Variants in FAM234B observed in about 807,000 individuals in gnomAD.
The protein encoded by FAM234B is family with sequence similarity 234 member B, also known as protein FAM234B.
FAM234B carries 33 observed loss-of-function variants against 69.3 expected under a neutral mutation model. The ratio of observed to expected loss-of-function variants is 0.48; its 90% CI spans 0.36 to 0.64. The LOEUF is 0.64. Among genes scored for constraint, FAM234B ranks in the 30% least tolerant of loss-of-function variants. FAM234B has a pLI of 0.00. For missense variants in FAM234B, 697 were observed against 769.7 expected (o/e 0.91, Z 1.12); for synonymous variants, 306 against 306.9 (o/e 1.00, Z 0.03).
At chr12:13,077,978 G>A (rs1423441890) in intron 11 of FAM234B, among the ~76,000 whole-genome samples, 2 of 150,946 alleles carry the variant, frequency 1.3e-5, no homozygotes, top group Non-Finnish European at 3.0e-5. Context: ...GTGTGAGATG[G>A]TATCTCATTG....
intron 12 of FAM234B, 61 bp downstream of exon 12, chr12:13,080,070 G>C (rs1014143624): frequency 3.9e-6 from 5 of 1,278,022 alleles, no homozygotes; most frequent in Non-Finnish European, 5.3e-6. Flanking sequence ...ACCAATTCCA[G>C]CTTTGTCTTT....
At chr12:13,050,256 G>T (rs963957582) in intron 1 of FAM234B, among the ~76,000 whole-genome samples, 8 of 152,086 alleles carry the variant, frequency 5.3e-5, no homozygotes, top group African/African-American at 1.9e-4. Context: ...GGACCTTTTA[G>T]AGTTCTCTTC....
At chr12:13,045,816 CA>C (rs1864804119) in intron 1 of FAM234B, among the ~76,000 whole-genome samples, 1 of 149,556 alleles carries the variant, frequency 6.7e-6, no homozygotes. Context: ...AGATGTCAGA[CA>C]TTTAGCTTTA....
chr12:13,046,773 G>GT (rs1864817470), intron 1 of FAM234B, among the ~76,000 whole-genome samples: 1 of 152,158 alleles, frequency 6.6e-6, no homozygotes, highest in Non-Finnish European at 1.5e-5. Flanking sequence ...CATCCCCACT[G>GT]TTTTCATGTG....
rs577300987 is a variant in FAM234B at position 13,080,028 on chromosome 12, A to G, written c.1863+19A>G. On this transcript the variant is annotated intron_variant, in intron 12 of 12. Transcript: ENST00000197268. Reference sequence around the variant, plus strand: ...CTACGAGGTGAGTGGCTGCAGAAATATTGTTCCTCTTGAGGGTTTAGGACA... The same window carrying G: ...CTACGAGGTGAGTGGCTGCAGAAATGTTGTTCCTCTTGAGGGTTTAGGACA... 18 of 1,545,240 alleles carry G rather than the reference A, an allele frequency of 1.2e-5. No homozygotes were observed. The Admixed American group carries it at 3.5e-4, about 30-fold the overall frequency.
In FAM234B at chr12:13,055,780, C is replaced by T; in HGVS notation, c.267C>T (p.Gly89=). The change falls in exon 2 of 13, where the codon GGC becomes GGT. Residue 89 remains glycine, a synonymous_variant. Coordinates refer to ENST00000197268, the MANE Select transcript of FAM234B (RefSeq NM_020853.2). ...TEGYPSEPLG[G]LEQKAASSLV... ...GCTACCCCTCAGAACCCCTTGGGGG[C>T]CTGGAACAGAAGGCGGCCTCCTCCC... is the stretch of plus-strand genomic sequence containing the variant. 1 of 1,614,198 alleles carries T rather than the reference C, an allele frequency of 6.2e-7. No individual in the cohort carries two copies. Among genetic ancestry groups the T allele is most frequent in the Non-Finnish European group, 8.5e-7 (1 of 1,180,026 alleles).
intron 10 of FAM234B, among the ~76,000 whole-genome samples, chr12:13,073,987 A>C (rs1865135480): frequency 6.6e-6 from 1 of 152,240 alleles, no homozygotes; most frequent in South Asian, 2.1e-4. Flanking sequence ...CAATGATTTC[A>C]CCATTCTTCC....
chr12:13,050,285 T>A (rs912286706), intron 1 of FAM234B, among the ~76,000 whole-genome samples: 11 of 152,216 alleles, frequency 7.2e-5, no homozygotes, highest in African/African-American at 2.7e-4. Flanking sequence ...ATGTTTACTC[T>A]CCTGTCATTG....
intron 9 of FAM234B, among the ~76,000 whole-genome samples, chr12:13,070,979 C>T (rs1382878571): frequency 2.0e-5 from 3 of 152,210 alleles, no homozygotes; most frequent in East Asian, 3.9e-4. Context: ...GGGTGGACTA[C>T]ATGATTTGAA....
intron 5 of FAM234B, among the ~76,000 whole-genome samples, chr12:13,065,411 G>A (rs762532994): frequency 5.9e-5 from 9 of 152,034 alleles, no homozygotes; most frequent in Non-Finnish European, 1.0e-4. Flanking sequence ...TCTAAAAACA[G>A]CATTTTATTT....
chr12:13,053,837 A>G (rs1189612273), intron 1 of FAM234B, among the ~76,000 whole-genome samples: 2 of 152,128 alleles, frequency 1.3e-5, no homozygotes, highest in African/African-American at 4.8e-5. Context: ...TATCTCAACC[A>G]CATAAGACAG....
In FAM234B at chr12:13,044,394, G is replaced by A. The variant is rs1464846967; in HGVS notation, c.-10G>A. 4 of 1,550,970 alleles carry A rather than the reference G, an allele frequency of 2.6e-6. No homozygotes were observed. In the East Asian group the frequency reaches 7.3e-5, roughly 28 times the overall value. On this transcript the variant is annotated 5_prime_UTR_variant, in exon 1 of 13. Coordinates refer to ENST00000197268, the MANE Select transcript of FAM234B (RefSeq NM_020853.2). The surrounding 1 kb of genome is among the most constrained non-coding windows in gnomAD (Gnocchi z 5.6). ...ACGCGGGCGCGCGCACGCGCACCGGGGCCTCAGCCATGGCGACCGTGCTGT... is the reference window on the plus strand; with the variant it reads ...ACGCGGGCGCGCGCACGCGCACCGGAGCCTCAGCCATGGCGACCGTGCTGT...
chr12:13,071,204 G>C, intron 9 of FAM234B, 37 bp from the exon 10 acceptor site: 4 of 1,608,820 alleles, frequency 2.5e-6, no homozygotes, highest in Non-Finnish European at 3.4e-6. Flanking sequence ...CTTTTTTGAG[G>C]CCTGGCCATG....
intron 9 of FAM234B, among the ~76,000 whole-genome samples, chr12:13,070,184 T>G (rs1226672093): frequency 3.8e-5 from 2 of 51,988 alleles, no homozygotes; most frequent in Non-Finnish European, 6.4e-5. Context: ...TATATATATA[T>G]ATATATATAT....
At chr12:13,061,982 T>C (rs1864988999) in intron 4 of FAM234B, among the ~76,000 whole-genome samples, 1 of 143,780 alleles carries the variant, frequency 7.0e-6, no homozygotes, top group African/African-American at 2.7e-5. Flanking sequence ...GGGCTGGAAC[T>C]GAATTACCCA....
In FAM234B at chr12:13,076,684, A is replaced by G. The variant is rs549903913; in HGVS notation, c.1642+541A>G. The stretch of plus-strand genomic sequence containing the variant: ...AAAATTGGCCATAATCTGGCCACTC[A>G]TAACCACTATTAGCATTTTGGAAGT... On this transcript the variant is annotated intron_variant, in intron 11 of 12. Transcript: ENST00000197268. 9.2e-5 allele frequency among the ~76,000 whole-genome samples: 14 copies of G among 152,388 alleles called. No homozygotes were observed. In the East Asian group the frequency reaches 2.5e-3, roughly 27 times the overall value.
intron 1 of FAM234B, among the ~76,000 whole-genome samples, chr12:13,048,085 T>C (rs1265605754): frequency 6.6e-6 from 1 of 152,210 alleles, no homozygotes; most frequent in African/African-American, 2.4e-5. Context: ...CCCCTAGTCT[T>C]CTGTGATGTA....
At chr12:13,077,590 A>G (rs1304548301) in intron 11 of FAM234B, among the ~76,000 whole-genome samples, 1 of 151,958 alleles carries the variant, frequency 6.6e-6, no homozygotes, top group African/African-American at 2.4e-5. Flanking sequence ...GTCCCTACAA[A>G]GGACATGAAC....
At chr12:13,065,771 C>T (rs530123082) in intron 5 of FAM234B, among the ~76,000 whole-genome samples, 1 of 152,288 alleles carries the variant, frequency 6.6e-6, no homozygotes, top group South Asian at 2.1e-4. Context: ...CTATGACATT[C>T]CTCTAAAAAC....
Sources: gnomAD v4.1 joint callset for allele counts (sites outside exome capture counted in the v4.1 genomes callset) on GRCh38, gnomAD v4.1.1 for gene constraint, Gnocchi (gnomAD v3.1) non-coding constraint, MANE v1.5 for transcripts, NCBI Gene and HGNC (gene_info 2026-07-23, HGNC 2026-07-21) for gene names.